The following AARSD1 variants were observed in gnomAD, a reference collection of about 807,000 sequenced individuals.
AARSD1 encodes alanyl-tRNA synthetase domain containing 1.
AARSD1 carries 44 observed loss-of-function variants against 48.7 expected under a neutral mutation model. The observed-to-expected ratio is 0.90, with a 90% CI of 0.71 to 1.16. The LOEUF is 1.16. AARSD1 is among the 50% of genes most tolerant of loss of function. The pLI, the probability that AARSD1 is intolerant of heterozygous loss-of-function variation, is 0.00. For missense variants in AARSD1, 511 were observed against 523.1 expected (o/e 0.98, Z 0.23); for synonymous variants, 189 against 194.9 (o/e 0.97, Z 0.25).
Position 42,954,937 on chromosome 17 carries a change from C to T in AARSD1, c.892G>A (p.Val298Met). The T allele has an allele frequency of 6.2e-7, 1 of 1,614,172 alleles. No homozygotes were observed. ...NNLNLLRDLA[V>M]HIAHSLRNSP... ...TTCCTGAGGCTATGGGCAATGTGCA[C>T]AGCCAGGTCTCTGAGCAGATTCAGG... Residue 298 changes from valine (V) to methionine (M), a missense_variant, in exon 9 of 12, where the codon GTG (valine) becomes ATG (methionine). Physicochemically the swap from Val to Met is conservative, Grantham distance 21. Transcript: ENST00000427569.
At chr17:42,954,415 T>C (rs566306775) in intron 9 of AARSD1, among the ~76,000 whole-genome samples, 1 of 151,300 alleles carries the variant, frequency 6.6e-6, no homozygotes, top group Non-Finnish European at 1.5e-5. Context: ...CCAGGAGGCC[T>C]GGTATGTAAC....
At chr17:42,954,794 C>T in intron 9 of AARSD1, 82 bp downstream of exon 9, 2 of 1,442,046 alleles carry the variant, frequency 1.4e-6, no homozygotes, top group South Asian at 2.3e-5. Context: ...CCACCTCCCA[C>T]TGTACATTGC....
intron 1 of AARSD1, 36 bp downstream of exon 1, chr17:42,964,366 C>T: frequency 1.3e-6 from 2 of 1,562,564 alleles, no homozygotes; most frequent in Non-Finnish European, 8.7e-7. Flanking sequence ...GCCTTGCCGG[C>T]CCGGCAGTCT....
intron 6 of AARSD1, 111 bp from the exon 7 acceptor site, chr17:42,956,083 C>G (rs1033420283): frequency 1.2e-6 from 2 of 1,609,254 alleles, no homozygotes; most frequent in African/African-American, 1.3e-5. Flanking sequence ...AGCTCTGAAA[C>G]AGTGAAGGGG....
At chr17:42,953,942 C>G (rs1947944229) in intron 9 of AARSD1, 164 bp from the exon 10 acceptor site, 2 of 783,510 alleles carry the variant, frequency 2.6e-6, no homozygotes, top group East Asian at 2.6e-5. Context: ...GCAAGCTGCC[C>G]TTCTCAGCCT....
chr17:42,959,726 C>T (rs1324674302), intron 3 of AARSD1, among the ~76,000 whole-genome samples: 4 of 151,208 alleles, frequency 2.6e-5, no homozygotes, highest in Admixed American at 1.3e-4. Flanking sequence ...TGCAGTGGCG[C>T]GATCTCGGCT....
chr17:42,954,896 T>G lies in AARSD1; in HGVS notation c.933A>C (p.Gly311=). Residue 311 remains glycine, a synonymous_variant, in exon 9 of 12, where the codon GGA becomes GGC. Transcript: ENST00000427569. ...CTCACCTGTGTAATATGACCACACC[T>G]CCCCAGTCTGGACTGTTCCTGAGGC... ...AHSLRNSPDW[G]GVVILHRKEG... is the part of the protein sequence containing the mutation. 4 of 1,614,046 alleles carry G rather than the reference T, an allele frequency of 2.5e-6. No homozygotes were observed. The African/African-American group carries it at 4.0e-5, about 16-fold the overall frequency.
rs757331707 is a variant in AARSD1 at position 42,954,924 on chromosome 17, T to C, written c.905A>G (p.His302Arg). 3.5e-5 allele frequency: 56 copies of C among 1,614,072 alleles called. No individual in the cohort carries two copies. The highest frequency in any genetic ancestry group is 4.7e-5 in the Non-Finnish European group (55 of 1,180,038). ...CCAGTCTGGACTGTTCCTGAGGCTA[T>C]GGGCAATGTGCACAGCCAGGTCTCT... ...LLRDLAVHIA[H>R]SLRNSPDWGG... Residue 302 changes from histidine (H) to arginine (R), a missense_variant, in exon 9 of 12, where the codon CAT (histidine) becomes CGT (arginine). Transcript: ENST00000427569.
At chr17:42,958,800 C>T (rs1319630669) in intron 3 of AARSD1, among the ~76,000 whole-genome samples, 2 of 115,726 alleles carry the variant, frequency 1.7e-5, no homozygotes, top group Non-Finnish European at 3.5e-5. Context: ...CTCCTGACCT[C>T]AGGTGATCTG....
chr17:42,963,885 C>T (rs1217539895), intron 2 of AARSD1, among the ~76,000 whole-genome samples: 2 of 152,208 alleles, frequency 1.3e-5, no homozygotes, highest in East Asian at 1.9e-4. Context: ...TATATAAAGG[C>T]ACTGTGTTGT....
At chr17:42,953,859 G>A in intron 9 of AARSD1, 81 bp from the exon 10 acceptor site, 1 of 1,582,758 alleles carries the variant, frequency 6.3e-7, no homozygotes, top group South Asian at 1.1e-5. Context: ...CTCCTTCTGA[G>A]GCTGGCCTTG....
Position 42,950,617 on chromosome 17 carries a change from G to T in AARSD1, c.1215C>A (p.Ile405=). Residue 405 remains isoleucine, a synonymous_variant, in exon 12 of 12, where the codon ATC becomes ATA. Transcript: ENST00000427569. The part of the protein sequence containing the change: ...MEAQALLQDY[I]STQSAKE ...CTCACTCCTTAGCACTCTGCGTGCTGATGTAGTCCTGGAGAAGCGCCTGCG... is the reference window on the plus strand; with the variant it reads ...CTCACTCCTTAGCACTCTGCGTGCTTATGTAGTCCTGGAGAAGCGCCTGCG... 1 of 1,614,016 alleles carries T rather than the reference G, an allele frequency of 6.2e-7. No homozygotes were observed. The highest frequency in any genetic ancestry group is 1.7e-4 in the Middle Eastern group (1 of 6,054).
intron 7 of AARSD1, 67 bp downstream of exon 7, chr17:42,955,775 A>G: frequency 6.2e-7 from 1 of 1,602,120 alleles, no homozygotes. Context: ...CTTATCTCCC[A>G]GAGGTAAGAG....
At position 42,959,652 on chromosome 17, in the gene AARSD1, C is replaced by T. The variant is rs115363639; in HGVS notation, c.331+1540G>A. On this transcript the variant is annotated intron_variant, in intron 3 of 11. Coordinates refer to ENST00000427569, the MANE Select transcript of AARSD1 (RefSeq NM_001261434.2). ...GGACTACAGCAGTGAGCCACAGTGC[C>T]CAGCCATTTCTCTTTTCTTTTTTTT... Among the ~76,000 whole-genome samples the T allele has an allele frequency of 9.4e-3, 1,433 of 151,676 alleles. 18 individuals are homozygous for T. The highest frequency in any genetic ancestry group is 0.029 in the African/African-American group (1,203 of 41,398).
At chr17:42,955,384 A>G (rs745387517) in intron 7 of AARSD1, 160 bp from the exon 8 acceptor site, 171 of 795,908 alleles carry the variant, frequency 2.1e-4, no homozygotes, top group Non-Finnish European at 3.0e-4. Flanking sequence ...GAAAACATAC[A>G]AAGGAATTAA....
chr17:42,960,193 C>T (rs1048918642), intron 3 of AARSD1, among the ~76,000 whole-genome samples: 2 of 151,032 alleles, frequency 1.3e-5, no homozygotes, highest in Non-Finnish European at 2.9e-5. Context: ...CACTTGAGCC[C>T]GGGAGGTGAG....
intron 3 of AARSD1, among the ~76,000 whole-genome samples, chr17:42,960,665 T>A (rs1484928771): frequency 6.8e-6 from 1 of 146,178 alleles, no homozygotes; most frequent in African/African-American, 2.6e-5. Context: ...GAGGTTGCAG[T>A]GAGCCGAGAT....
At chr17:42,959,278 G>A (rs1306115022) in intron 3 of AARSD1, among the ~76,000 whole-genome samples, 1 of 151,460 alleles carries the variant, frequency 6.6e-6, no homozygotes, top group Non-Finnish European at 1.5e-5. Context: ...GCGTGCAGTG[G>A]TGCCATCTCA....
intron 3 of AARSD1, among the ~76,000 whole-genome samples, chr17:42,957,883 AAG>A (rs537048796): frequency 7.7e-4 from 118 of 152,298 alleles, no homozygotes; most frequent in African/African-American, 2.6e-3. Flanking sequence ...CCTGATTGAC[AAG>A]AGTGATGATG....
Sources: gnomAD v4.1 joint callset for allele counts (sites outside exome capture counted in the v4.1 genomes callset) on GRCh38, gnomAD v4.1.1 for gene constraint, MANE v1.5 for transcripts, NCBI Gene and HGNC (gene_info 2026-07-23, HGNC 2026-07-21) for gene names.